The following SLC4A10 variants were observed in gnomAD, a reference collection of about 807,000 sequenced individuals.
The protein encoded by SLC4A10 is sodium-driven chloride bicarbonate exchanger.
Under a neutral mutation model 137.7 loss-of-function variants are expected in SLC4A10, and 42 were observed. The observed-to-expected ratio is 0.30, with a 90% confidence interval of 0.24 to 0.39. The LOEUF is 0.39. Among genes scored for constraint, SLC4A10 ranks in the 10% least tolerant of loss-of-function variants. SLC4A10 has a pLI of 1.00. For synonymous variants in SLC4A10, 474 were observed against 464.1 expected (o/e 1.02, Z -0.27); for missense variants, 925 against 1,355.0 (o/e 0.68, Z 4.98).
intron 1 of SLC4A10, among the ~76,000 whole-genome samples, chr2:161,652,292 A>G (rs1020222030): frequency 6.6e-6 from 1 of 152,142 alleles, no homozygotes; most frequent in African/African-American, 2.4e-5. Flanking sequence ...TGGATCATGC[A>G]TATTTCTTTT....
At chr2:161,944,358 T>C (rs900058327) in intron 16 of SLC4A10, among the ~76,000 whole-genome samples, 2 of 151,838 alleles carry the variant, frequency 1.3e-5, no homozygotes, top group Non-Finnish European at 3.0e-5. Flanking sequence ...CTAAGTTATA[T>C]AACATGATAA....
At chr2:161,978,062 T>C (rs1365589708) in intron 26 of SLC4A10, among the ~76,000 whole-genome samples, 1 of 152,168 alleles carries the variant, frequency 6.6e-6, no homozygotes, top group Non-Finnish European at 1.5e-5. Context: ...AATTTCTGGA[T>C]AGGGAAAATT....
chr2:161,760,286 C>A (rs896914549), intron 1 of SLC4A10, among the ~76,000 whole-genome samples: 1 of 151,748 alleles, frequency 6.6e-6, no homozygotes, highest in African/African-American at 2.4e-5. Context: ...TTCTTTAGAT[C>A]TTTTTCCTGG....
intron 3 of SLC4A10, among the ~76,000 whole-genome samples, chr2:161,814,288 C>T (rs1234531020): frequency 6.6e-6 from 1 of 152,030 alleles, no homozygotes; most frequent in African/African-American, 2.4e-5. Flanking sequence ...CAGATTCTGA[C>T]AAAGCTGCAG....
At chr2:161,714,364 C>G (rs778814339) in intron 1 of SLC4A10, among the ~76,000 whole-genome samples, 4 of 151,810 alleles carry the variant, frequency 2.6e-5, no homozygotes, top group African/African-American at 9.7e-5. Context: ...AGCATTTAAA[C>G]ATGGTTTTCT....
chr2:161,940,378 C>T (rs753161968), intron 15 of SLC4A10, among the ~76,000 whole-genome samples: 1 of 152,190 alleles, frequency 6.6e-6, no homozygotes, highest in Non-Finnish European at 1.5e-5. Flanking sequence ...CCTTCTCTCA[C>T]CCAGCTCCTA....
intron 11 of SLC4A10, among the ~76,000 whole-genome samples, chr2:161,900,052 T>C (rs771963063): frequency 2.0e-5 from 3 of 152,154 alleles, no homozygotes; most frequent in Non-Finnish European, 4.4e-5. Flanking sequence ...GTAAAAATCA[T>C]AATTTCACCA....
chr2:161,964,638 A>G (rs887056558), intron 22 of SLC4A10, among the ~76,000 whole-genome samples: 1 of 152,184 alleles, frequency 6.6e-6, no homozygotes, highest in Non-Finnish European at 1.5e-5. Context: ...ATTGTATTAA[A>G]TGTTTCAGGC....
intron 1 of SLC4A10, among the ~76,000 whole-genome samples, chr2:161,747,460 T>G (rs2048505569): frequency 1.3e-5 from 2 of 152,192 alleles, no homozygotes; most frequent in Admixed American, 1.3e-4. Context: ...TCAAGACTGC[T>G]TTCCTGTGCT....
chr2:161,725,078 A>C (rs543908102), intron 1 of SLC4A10, among the ~76,000 whole-genome samples: 75 of 152,354 alleles, frequency 4.9e-4, no homozygotes, highest in African/African-American at 1.6e-3. Context: ...AATGAGAATG[A>C]AATGTTCATG....
chr2:161,745,607 T>C (rs1475829149), intron 1 of SLC4A10, among the ~76,000 whole-genome samples: 4 of 152,262 alleles, frequency 2.6e-5, no homozygotes, highest in Non-Finnish European at 5.9e-5. Flanking sequence ...TTTTCTGGAA[T>C]GGTCTTAATG....
At chr2:161,724,414 A>G (rs1358898116) in intron 1 of SLC4A10, among the ~76,000 whole-genome samples, 1 of 152,202 alleles carries the variant, frequency 6.6e-6, no homozygotes, top group Admixed American at 6.5e-5. Context: ...ATACTGAGGC[A>G]TTGGTAGTTT....
At chr2:161,874,724 G>T (rs1210039036) in intron 8 of SLC4A10, among the ~76,000 whole-genome samples, 1 of 152,216 alleles carries the variant, frequency 6.6e-6, no homozygotes, top group Non-Finnish European at 1.5e-5. Flanking sequence ...ACACTGGAAA[G>T]AATGTGGCTT....
intron 1 of SLC4A10, among the ~76,000 whole-genome samples, chr2:161,643,493 A>G (rs551184938): frequency 1.3e-5 from 2 of 152,260 alleles, no homozygotes; most frequent in East Asian, 3.9e-4. Flanking sequence ...AATATGGCAT[A>G]TATACTTTTG....
chr2:161,900,271 AACAGTCTTTGGCACTCT>A (rs77560428), intron 11 of SLC4A10, among the ~76,000 whole-genome samples: 10,410 of 152,214 alleles, frequency 0.068, 456 homozygotes, highest in East Asian at 0.13. Flanking sequence ...CTCCTTTTAC[AACAGTCTTTGGCACTCT>A]ATGAGTTAGA....
chr2:161,783,862 C>A (rs1574948835), intron 2 of SLC4A10, among the ~76,000 whole-genome samples: 1 of 151,562 alleles, frequency 6.6e-6, no homozygotes, highest in East Asian at 1.9e-4. Context: ...ACAAGGCTAA[C>A]AGAAAACAGT....
intron 10 of SLC4A10, among the ~76,000 whole-genome samples, chr2:161,882,764 T>A (rs2061902680): frequency 6.6e-6 from 1 of 152,124 alleles, no homozygotes; most frequent in South Asian, 2.1e-4. Flanking sequence ...GGAAATCTTG[T>A]TTTGAGTAAA....
In SLC4A10 at chr2:161,663,935, A is replaced by T. The variant is rs116921060; in HGVS notation, c.48+39369A>T. Among the ~76,000 whole-genome samples, 6 of 152,100 alleles carry T rather than the reference A, an allele frequency of 3.9e-5. No individual in the cohort carries two copies. In the East Asian group the frequency reaches 1.2e-3, roughly 29 times the overall value. On this transcript the variant is annotated intron_variant, in intron 1 of 26. Transcript: ENST00000446997. ...AACTGCATACATTTTTTGTTAATAG[A>T]TATTTGTAACATTTGTTTTCCTCCT...
At chr2:161,756,953 T>C (rs549669155) in intron 1 of SLC4A10, among the ~76,000 whole-genome samples, 9 of 152,314 alleles carry the variant, frequency 5.9e-5, no homozygotes, top group Non-Finnish European at 1.0e-4. Flanking sequence ...ATGTTATTTA[T>C]GTGGCATGTA....
Sources: gnomAD v4.1 joint callset for allele counts (sites outside exome capture counted in the v4.1 genomes callset) on GRCh38, gnomAD v4.1.1 for gene constraint, MANE v1.5 for transcripts, NCBI Gene and HGNC (gene_info 2026-07-23, HGNC 2026-07-21) for gene names.